Variants in DLG2 observed in about 807,000 individuals in gnomAD.
DLG2 encodes the protein discs large MAGUK scaffold protein 2.
In DLG2, 45 loss-of-function variants were observed where a neutral mutation model predicts 132.5. That is an observed-to-expected ratio of 0.34 (90% confidence interval 0.27 to 0.44). The LOEUF is 0.44. DLG2 is among the 20% of genes least tolerant of loss of function. The pLI is 1.00. For missense variants in DLG2, 1,045 were observed against 1,196.9 expected (o/e 0.87, Z 1.87); for synonymous variants, 424 against 419.6 (o/e 1.01, Z -0.13).
chr11:84,510,020 C>T (rs1214270324), intron 7 of DLG2, among the ~76,000 whole-genome samples: 1 of 151,358 alleles, frequency 6.6e-6, no homozygotes, highest in Non-Finnish European at 1.5e-5. Flanking sequence ...CTCCTAGGTG[C>T]CTTTTAGCAA....
intron 6 of DLG2, among the ~76,000 whole-genome samples, chr11:84,737,204 T>G (rs1010112799): frequency 1.3e-5 from 2 of 152,000 alleles, no homozygotes; most frequent in African/African-American, 4.8e-5. Context: ...AAAGCTTGTT[T>G]GGTCATGATA....
At chr11:83,479,835 A>T (rs1299049134) in intron 22 of DLG2, among the ~76,000 whole-genome samples, 1 of 152,124 alleles carries the variant, frequency 6.6e-6, no homozygotes, top group Non-Finnish European at 1.5e-5. Flanking sequence ...AATTATCAAA[A>T]AAGTAAAGTT....
At chr11:84,626,746 T>C (rs991370698) in intron 6 of DLG2, among the ~76,000 whole-genome samples, 1 of 152,164 alleles carries the variant, frequency 6.6e-6, no homozygotes, top group African/African-American at 2.4e-5. Flanking sequence ...AAGACCCAAC[T>C]ACGGCCCAAG....
At chr11:84,159,761 T>C (rs952484036) in intron 9 of DLG2, among the ~76,000 whole-genome samples, 20 of 152,106 alleles carry the variant, frequency 1.3e-4, no homozygotes, top group South Asian at 4.1e-4. Context: ...GTGGAAGCTA[T>C]TATGGTTGTT....
chr11:84,247,124 G>C (rs1329915036), intron 8 of DLG2, among the ~76,000 whole-genome samples: 2 of 152,146 alleles, frequency 1.3e-5, no homozygotes, highest in Non-Finnish European at 2.9e-5. Context: ...AAGAATATTA[G>C]AGAAGGTTAG....
intron 6 of DLG2, among the ~76,000 whole-genome samples, chr11:84,788,539 T>C (rs1230853213): frequency 6.6e-6 from 1 of 152,178 alleles, no homozygotes; most frequent in Admixed American, 6.5e-5. Flanking sequence ...CTTTTCTTAG[T>C]ATTCCAATGT....
intron 3 of DLG2, among the ~76,000 whole-genome samples, chr11:85,360,926 T>C (rs1284546255): frequency 6.6e-6 from 1 of 152,188 alleles, no homozygotes; most frequent in Non-Finnish European, 1.5e-5. Flanking sequence ...GTAATAATAG[T>C]AGTAATAGCA....
intron 17 of DLG2, among the ~76,000 whole-genome samples, chr11:83,819,335 T>C (rs2050020590): frequency 6.6e-6 from 1 of 151,562 alleles, no homozygotes; most frequent in South Asian, 2.1e-4. Flanking sequence ...CTGGGCATTG[T>C]GGTACATGCC....
chr11:84,388,993 G>A (rs753553033), intron 7 of DLG2, among the ~76,000 whole-genome samples: 2 of 152,010 alleles, frequency 1.3e-5, no homozygotes, highest in Non-Finnish European at 2.9e-5. Flanking sequence ...ACTTTAATTT[G>A]CAGGCTTTCA....
At chr11:85,150,699 AGTGTGT>A (rs71036459) in intron 5 of DLG2, among the ~76,000 whole-genome samples, 21,827 of 127,082 alleles carry the variant, frequency 0.17, 1,850 homozygotes, top group Admixed American at 0.23. Context: ...AAGGCTACAT[AGTGTGT>A]GTGTGTGTGT....
chr11:84,919,129 A>G (rs1389357196), intron 6 of DLG2, among the ~76,000 whole-genome samples: 1 of 152,118 alleles, frequency 6.6e-6, no homozygotes, highest in African/African-American at 2.4e-5. Flanking sequence ...ATTCTTATTG[A>G]AGGCAACTCT....
Position 84,287,495 on chromosome 11 carries a change from C to T in DLG2, c.520-36204G>A, listed in dbSNP as rs117480459. On this transcript the variant is annotated intron_variant, in intron 7 of 27. Transcript: ENST00000376104. ...TTTCACAGACTCAAGTAAGACTTGTCTTAACACTTTTAGGATATTAAAATG... is the reference window on the plus strand; with the variant it reads ...TTTCACAGACTCAAGTAAGACTTGTTTTAACACTTTTAGGATATTAAAATG... 3.9e-3 allele frequency among the ~76,000 whole-genome samples: 595 copies of T among 152,202 alleles called. 2 individuals are homozygous for T. Among genetic ancestry groups the T allele is most frequent in the Admixed American group, 6.9e-3 (106 of 15,274 alleles).
chr11:83,694,693 T>C (rs2081574739), intron 18 of DLG2, among the ~76,000 whole-genome samples: 2 of 152,164 alleles, frequency 1.3e-5, no homozygotes, highest in African/African-American at 4.8e-5. Flanking sequence ...CAGTAGCATT[T>C]TGAAGCGATT....
At chr11:85,058,778 G>A (rs2063722892) in intron 6 of DLG2, among the ~76,000 whole-genome samples, 1 of 151,354 alleles carries the variant, frequency 6.6e-6, no homozygotes, top group South Asian at 2.1e-4. Context: ...TGGGGGAAAA[G>A]GTGTTCTTAT....
chr11:84,318,923 A>G (rs2098386255), intron 7 of DLG2, among the ~76,000 whole-genome samples: 2 of 152,212 alleles, frequency 1.3e-5, no homozygotes, highest in Non-Finnish European at 2.9e-5. Context: ...GTATAAATGG[A>G]AGGAAAAAAT....
chr11:85,598,676 G>T lies in DLG2; in HGVS notation c.21C>A (p.Ser7Arg). The T allele has an allele frequency of 6.3e-7, 1 of 1,578,808 alleles. No homozygotes were observed. Among genetic ancestry groups the T allele is most frequent in the Non-Finnish European group, 8.6e-7 (1 of 1,164,810 alleles). The change falls in exon 3 of 28, where the codon AGC (serine) becomes AGA (arginine). Residue 7 changes from serine to arginine, a missense_variant. By Grantham distance (110) the Ser-to-Arg change is moderately radical (BLOSUM62 -1). Around this residue, in one of 4 missense-constraint regions of DLG2, gnomAD observed 277 missense variants for 238.2 expected, o/e 1.16. Transcript: ENST00000376104. The stretch of plus-strand genomic sequence containing the variant: ...ACATACCTAGCAAAGCTTGGAATAA[G>T]CTGCTCTTAAAGATACCCATCACCT... MGIFKS[S>R]LFQALLDIQE...
At chr11:84,678,869 G>A (rs2153703697) in intron 6 of DLG2, among the ~76,000 whole-genome samples, 1 of 152,134 alleles carries the variant, frequency 6.6e-6, no homozygotes, top group Non-Finnish European at 1.5e-5. Flanking sequence ...CTAAATCTCA[G>A]ATTTTTAATT....
intron 6 of DLG2, among the ~76,000 whole-genome samples, chr11:84,550,197 C>G (rs900124643): frequency 6.6e-6 from 1 of 151,976 alleles, no homozygotes; most frequent in Non-Finnish European, 1.5e-5. Flanking sequence ...ATCACCATTA[C>G]AGGGAACAGG....
chr11:83,825,179 T>A (rs1279558872), intron 17 of DLG2, among the ~76,000 whole-genome samples: 854 of 38,126 alleles, frequency 0.022, 8 homozygotes, highest in East Asian at 0.065. Flanking sequence ...ATATTTTTTT[T>A]TTTTTTTTTT....
Sources: gnomAD v4.1 joint callset for allele counts (sites outside exome capture counted in the v4.1 genomes callset) on GRCh38, gnomAD v4.1.1 for gene constraint, gnomAD v4.1.1 regional missense constraint, MANE v1.5 for transcripts, NCBI Gene and HGNC (gene_info 2026-07-23, HGNC 2026-07-21) for gene names.